The following TEX2 variants were observed in gnomAD, a reference collection of about 807,000 sequenced individuals.
TEX2 encodes the protein testis-expressed protein 2.
A neutral mutation model predicts 106.9 loss-of-function variants in TEX2; 53 were observed. The observed-to-expected ratio is 0.50, with a 90% CI of 0.40 to 0.62. TEX2 has a LOEUF of 0.62. Ranked by LOEUF, TEX2 falls within the 20% of genes least tolerant of loss-of-function variation. The probability of loss-of-function intolerance (pLI) is 0.00; values close to 1 mark genes in which losing one functional copy is unlikely to be tolerated. For synonymous variants in TEX2, 523 were observed against 534.8 expected, an observed-to-expected ratio of 0.98 and a Z score of 0.30; for missense variants, 1,207 against 1,379.0, an observed-to-expected ratio of 0.88 and a Z score of 1.98.
At chr17:64,251,591 C>CCCA (rs2034093428) in intron 1 of TEX2, among the ~76,000 whole-genome samples, 1 of 152,186 alleles carries the variant, frequency 6.6e-6, no homozygotes, top group Non-Finnish European at 1.5e-5. Context: ...CCGGGGAAGA[C>CCCA]CCAGGTTTCT....
chr17:64,226,189 A>G (rs1269916252), intron 1 of TEX2, among the ~76,000 whole-genome samples: 2 of 152,156 alleles, frequency 1.3e-5, no homozygotes, highest in Non-Finnish European at 2.9e-5. Context: ...GGCTTTGGGG[A>G]TATCATGAGA....
chr17:64,191,830 A>C (rs1286582213), intron 4 of TEX2, among the ~76,000 whole-genome samples: 1 of 148,686 alleles, frequency 6.7e-6, no homozygotes, highest in Non-Finnish European at 1.5e-5. Context: ...AAAAAAAAAA[A>C]AAAAAAAAAA....
intron 8 of TEX2, among the ~76,000 whole-genome samples, chr17:64,159,979 A>G (rs894578543): frequency 5.3e-5 from 8 of 152,234 alleles, no homozygotes; most frequent in African/African-American, 1.9e-4. Context: ...AAGAGCCAGT[A>G]TCTTATATTT....
intron 1 of TEX2, among the ~76,000 whole-genome samples, chr17:64,235,511 A>G (rs1276940807): frequency 6.6e-6 from 1 of 152,232 alleles, no homozygotes; most frequent in Non-Finnish European, 1.5e-5. Context: ...ATGACAACTC[A>G]GGCAAGCACT....
chr17:64,254,251 A>C (rs1212354486), intron 1 of TEX2, among the ~76,000 whole-genome samples: 2 of 152,214 alleles, frequency 1.3e-5, no homozygotes, highest in Non-Finnish European at 2.9e-5. Context: ...AAGGAAGATC[A>C]TGAGTCCCAC....
At chr17:64,251,792 T>A (rs1555637028) in intron 1 of TEX2, among the ~76,000 whole-genome samples, 2 of 152,128 alleles carry the variant, frequency 1.3e-5, no homozygotes, top group African/African-American at 4.8e-5. Context: ...CTGCACAAGG[T>A]ACAACCAGAA....
chr17:64,189,663 T>C lies in TEX2; in HGVS notation c.2177-1248A>G, dbSNP rs921248251. Among the ~76,000 whole-genome samples the C allele has an allele frequency of 5.9e-5, 9 of 152,162 alleles. 1 individual carries two copies. The highest frequency in any genetic ancestry group is 2.2e-4 in the African/African-American group (9 of 41,424). ...ACAATTTTATTTAGATTTACTCTGA[T>C]GGCCAGGTGAAACGTAAAGTGGTTA... On this transcript the variant is annotated intron_variant, in intron 4 of 11. Transcript: ENST00000584379.
intron 1 of TEX2, among the ~76,000 whole-genome samples, chr17:64,248,697 T>A (rs2034035799): frequency 6.6e-6 from 1 of 152,108 alleles, no homozygotes; most frequent in African/African-American, 2.4e-5. Context: ...AGCAGTAGCA[T>A]CACACTTGAA....
At chr17:64,261,381 GCTT>G (rs1463585527) in intron 1 of TEX2, among the ~76,000 whole-genome samples, 41 of 152,074 alleles carry the variant, frequency 2.7e-4, no homozygotes, top group Admixed American at 2.6e-3. Context: ...AATCTTTCCT[GCTT>G]CTTCTCCAGA....
At chr17:64,149,257 T>C (rs760041042) in intron 11 of TEX2, 166 bp from the exon 12 acceptor site, 96 of 690,126 alleles carry the variant, frequency 1.4e-4, no homozygotes, top group Non-Finnish European at 2.0e-4. Context: ...TTAGAAAGAG[T>C]TGAGGAATCA....
chr17:64,251,589 G>C (rs4337360), intron 1 of TEX2, among the ~76,000 whole-genome samples: 9 of 152,168 alleles, frequency 5.9e-5, no homozygotes, highest in Non-Finnish European at 1.0e-4. Context: ...TCCCGGGGAA[G>C]ACCCAGGTTT....
chr17:64,186,061 T>C (rs73995409), intron 5 of TEX2, among the ~76,000 whole-genome samples: 6,139 of 152,316 alleles, frequency 0.04, 419 homozygotes, highest in African/African-American at 0.14. Flanking sequence ...GAACATAGCA[T>C]ACAATATGCA....
At chr17:64,235,768 A>C (rs1208451754) in intron 1 of TEX2, among the ~76,000 whole-genome samples, 2 of 152,200 alleles carry the variant, frequency 1.3e-5, no homozygotes, top group Non-Finnish European at 2.9e-5. Flanking sequence ...GCTATACATA[A>C]GTAAATGTTC....
intron 1 of TEX2, among the ~76,000 whole-genome samples, chr17:64,250,632 C>T (rs1033094892): frequency 1.3e-5 from 2 of 152,208 alleles, no homozygotes; most frequent in South Asian, 2.1e-4. Context: ...ACTGTTGTCT[C>T]GGTCTGGCAG....
intron 8 of TEX2, chr17:64,156,336 T>A (rs973988930): frequency 6.6e-6 from 1 of 152,212 alleles, no homozygotes; most frequent in Non-Finnish European, 1.5e-5. Context: ...ACCCCCACTC[T>A]GAAACATTAG....
At chr17:64,161,334 C>A (rs1242780737) in intron 7 of TEX2, among the ~76,000 whole-genome samples, 1 of 152,200 alleles carries the variant, frequency 6.6e-6, no homozygotes, top group Non-Finnish European at 1.5e-5. Flanking sequence ...TTACGAGGCA[C>A]AAGGGAAGTG....
At position 64,151,200 on chromosome 17, in the gene TEX2, G is replaced by T. The variant is rs1034055380; in HGVS notation, c.3141-239C>A. ...CAGTTCTGACAAACTGAGAGAGCCAGGAAGCACCACTGGAAAAGTCCATGA... is the reference window on the plus strand; with the variant it reads ...CAGTTCTGACAAACTGAGAGAGCCATGAAGCACCACTGGAAAAGTCCATGA... On this transcript the variant is annotated intron_variant, in intron 10 of 11. Transcript: ENST00000584379. Among the ~76,000 whole-genome samples, 492 of 152,290 alleles carry T rather than the reference G, an allele frequency of 3.2e-3. 2 individuals carry two copies. The highest frequency in any genetic ancestry group is 0.012 in the African/African-American group (480 of 41,570).
chr17:64,196,181 C>T (rs201164783), intron 2 of TEX2, among the ~76,000 whole-genome samples: 2 of 152,162 alleles, frequency 1.3e-5, no homozygotes, highest in East Asian at 3.8e-4. Flanking sequence ...TTAAAACACG[C>T]ATTGAATCTA....
At chr17:64,166,520 C>T (rs1383949547) in intron 7 of TEX2, among the ~76,000 whole-genome samples, 2 of 152,206 alleles carry the variant, frequency 1.3e-5, no homozygotes, top group African/African-American at 4.8e-5. Flanking sequence ...TGGGCTTTGG[C>T]TCATACACAC....
Sources: gnomAD v4.1 joint callset for allele counts (sites outside exome capture counted in the v4.1 genomes callset) on GRCh38, gnomAD v4.1.1 for gene constraint, MANE v1.5 for transcripts, NCBI Gene and HGNC (gene_info 2026-07-23, HGNC 2026-07-21) for gene names.